IGF2BP3: variants seen among roughly 807,000 people sequenced by gnomAD.
IGF2BP3 encodes the protein insulin-like growth factor 2 mRNA-binding protein 3.
Under a neutral mutation model 73.8 loss-of-function variants are expected in IGF2BP3, and 9 were observed. The ratio of observed to expected loss-of-function variants is 0.12; its 90% CI spans 0.07 to 0.21. The LOEUF is 0.21. Among genes scored for constraint, IGF2BP3 ranks in the 10% least tolerant of loss-of-function variants. The probability of loss-of-function intolerance (pLI) is 1.00; values close to 1 mark genes in which losing one functional copy is unlikely to be tolerated. For synonymous variants in IGF2BP3, 258 were observed against 256.7 expected, an observed-to-expected ratio of 1.01 and a Z score of -0.05; for missense variants, 542 against 714.0, an observed-to-expected ratio of 0.76 and a Z score of 2.75.
chr7:23,388,857 T>C (rs908049538), intron 3 of IGF2BP3, among the ~76,000 whole-genome samples: 2 of 152,174 alleles, frequency 1.3e-5, no homozygotes, highest in African/African-American at 2.4e-5. Context: ...TCATAGCACC[T>C]TTACCTGTAG....
chr7:23,364,589 G>C (rs1007565466), intron 3 of IGF2BP3, among the ~76,000 whole-genome samples: 4 of 149,754 alleles, frequency 2.7e-5, no homozygotes, highest in Non-Finnish European at 5.9e-5. Context: ...GTTGGGGGGT[G>C]GGGGGTGGCG....
intron 10 of IGF2BP3, among the ~76,000 whole-genome samples, chr7:23,321,393 T>C (rs1190755437): frequency 6.6e-6 from 1 of 152,152 alleles, no homozygotes. Flanking sequence ...ACCAGGAGAT[T>C]ATATCCCGCA....
At position 23,453,613 on chromosome 7, in the gene IGF2BP3, T is replaced by A. The variant is rs148013341; in HGVS notation, c.236+14869A>T. Among the ~76,000 whole-genome samples the A allele has an allele frequency of 7.8e-3, 1,183 of 152,340 alleles. 14 individuals are homozygous for A. Among genetic ancestry groups the A allele is most frequent in the African/African-American group, 0.027 (1,142 of 41,580 alleles). On this transcript the variant is annotated intron_variant, in intron 2 of 14. Transcript: ENST00000258729. ...GCCATGAGGACTGGGTTGTTTTCCA[T>A]AACACTTAGTTGAAAGGTATTCTCA...
At chr7:23,381,825 G>A (rs1041980769) in intron 3 of IGF2BP3, among the ~76,000 whole-genome samples, 3 of 152,100 alleles carry the variant, frequency 2.0e-5, no homozygotes, top group Admixed American at 6.6e-5. Context: ...CACCTCGGTC[G>A]GCCTCCCAAA....
intron 7 of IGF2BP3, among the ~76,000 whole-genome samples, chr7:23,346,997 T>C (rs1729923852): frequency 6.6e-6 from 1 of 152,176 alleles, no homozygotes; most frequent in African/African-American, 2.4e-5. Context: ...TATTTAAAGT[T>C]CTCTACAAAT....
At chr7:23,355,395 A>T (rs904914433) in intron 5 of IGF2BP3, among the ~76,000 whole-genome samples, 18 of 149,882 alleles carry the variant, frequency 1.2e-4, no homozygotes, top group African/African-American at 4.4e-4. Flanking sequence ...CTAATTTTGT[A>T]TTTTTTTTTC....
intron 14 of IGF2BP3, 132 bp from the exon 15 acceptor site, chr7:23,312,592 AGTC>A: frequency 1.1e-6 from 1 of 882,936 alleles, no homozygotes; most frequent in Admixed American, 2.2e-5. Context: ...GTTTGCTAGT[AGTC>A]TCTGAAATCA....
chr7:23,448,818 G>C lies in IGF2BP3; in HGVS notation c.236+19664C>G, dbSNP rs1430938812. Among the ~76,000 whole-genome samples, 3 of 152,096 alleles carry C rather than the reference G, an allele frequency of 2.0e-5. No individual in the cohort carries two copies. The East Asian group carries it at 5.8e-4, about 29-fold the overall frequency. On this transcript the variant is annotated intron_variant, in intron 2 of 14. Transcript: ENST00000258729. ...CTAATTTTTTTGTATTTTTAGTAGA[G>C]ATGGGGTTTCACCATGTTGGTCAAG...
At chr7:23,461,339 A>C (rs556189546) in intron 2 of IGF2BP3, among the ~76,000 whole-genome samples, 1 of 152,258 alleles carries the variant, frequency 6.6e-6, no homozygotes, top group East Asian at 1.9e-4. Flanking sequence ...CAAGCTAATG[A>C]AGTCTCCAAA....
chr7:23,357,978 C>G (rs1785137978), intron 5 of IGF2BP3, among the ~76,000 whole-genome samples: 1 of 152,164 alleles, frequency 6.6e-6, no homozygotes, highest in South Asian at 2.1e-4. Context: ...TGAAGTATAC[C>G]AAACAATAAC....
At chr7:23,440,489 A>G (rs1416055999) in intron 2 of IGF2BP3, among the ~76,000 whole-genome samples, 1 of 152,242 alleles carries the variant, frequency 6.6e-6, no homozygotes, top group African/African-American at 2.4e-5. Flanking sequence ...TGTTATTAAC[A>G]ATCTGTATAG....
intron 3 of IGF2BP3, among the ~76,000 whole-genome samples, chr7:23,376,024 T>C (rs1785706317): frequency 1.3e-5 from 2 of 152,210 alleles, no homozygotes; most frequent in South Asian, 2.1e-4. Context: ...ATCCCATCAA[T>C]AGGTGCAGTT....
intron 2 of IGF2BP3, among the ~76,000 whole-genome samples, chr7:23,448,591 G>T (rs1218134360): frequency 6.6e-6 from 1 of 151,578 alleles, no homozygotes; most frequent in African/African-American, 2.4e-5. Flanking sequence ...TTGTAGAGAT[G>T]AGGGTCTCAC....
intron 2 of IGF2BP3, among the ~76,000 whole-genome samples, chr7:23,456,776 G>A (rs995976093): frequency 4.6e-5 from 7 of 152,222 alleles, no homozygotes; most frequent in Admixed American, 2.6e-4. Context: ...GAGGCCAGGC[G>A]CAGTGGCTCA....
At position 23,427,149 on chromosome 7, in the gene IGF2BP3, C is replaced by T. The variant is rs569722122; in HGVS notation, c.237-8325G>A. On this transcript the variant is annotated intron_variant, in intron 2 of 14. Transcript: ENST00000258729. ...CTGCTTCTTTATCTCAGGGCTTTCTCCAAAGTCTCTAGAGTACAGGAGCAG... is the reference window on the plus strand; with the variant it reads ...CTGCTTCTTTATCTCAGGGCTTTCTTCAAAGTCTCTAGAGTACAGGAGCAG... Among the ~76,000 whole-genome samples the T allele has an allele frequency of 2.0e-5, 3 of 152,282 alleles. No homozygotes were observed. In the East Asian group the frequency reaches 5.8e-4, roughly 29 times the overall value.
chr7:23,451,686 C>T (rs891289595), intron 2 of IGF2BP3, among the ~76,000 whole-genome samples: 3 of 152,022 alleles, frequency 2.0e-5, no homozygotes, highest in Non-Finnish European at 4.4e-5. Flanking sequence ...CGGTGGCTCA[C>T]GCCTGTATTC....
intron 2 of IGF2BP3, among the ~76,000 whole-genome samples, chr7:23,456,528 G>T (rs563836313): frequency 6.6e-6 from 1 of 152,234 alleles, no homozygotes; most frequent in Non-Finnish European, 1.5e-5. Flanking sequence ...TAAGGTATCA[G>T]AACTTCAGCT....
chr7:23,360,425 A>G (rs1785196959), intron 5 of IGF2BP3, among the ~76,000 whole-genome samples: 1 of 152,246 alleles, frequency 6.6e-6, no homozygotes, highest in South Asian at 2.1e-4. Context: ...AAAAGGAGGA[A>G]TACATACATG....
intron 3 of IGF2BP3, among the ~76,000 whole-genome samples, chr7:23,400,184 C>A (rs552248333): frequency 2.6e-5 from 4 of 152,306 alleles, no homozygotes; most frequent in South Asian, 4.1e-4. Flanking sequence ...TGAAAAAGTT[C>A]TCCAAAGTAT....
Sources: allele counts gnomAD v4.1 joint callset (sites outside exome capture counted in the v4.1 genomes callset), GRCh38; gene constraint gnomAD v4.1.1; transcripts MANE v1.5; gene names NCBI Gene and HGNC (gene_info 2026-07-23, HGNC 2026-07-21).